ERAP1: variants seen among roughly 807,000 people sequenced by gnomAD.
The protein encoded by ERAP1 is adipocyte-derived leucine aminopeptidase.
ERAP1 carries 86 observed loss-of-function variants against 103.7 expected under a neutral mutation model. The observed-to-expected ratio is 0.83, with a 90% CI of 0.70 to 0.99. The LOEUF (loss-of-function observed/expected upper bound fraction) is 0.99. Ranked by LOEUF, ERAP1 falls within the 50% of genes least tolerant of loss-of-function variation. The pLI, the probability that ERAP1 is intolerant of heterozygous loss-of-function variation, is 0.00. For missense variants in ERAP1, 1,009 were observed against 1,128.4 expected (o/e 0.89, Z 1.52); for synonymous variants, 398 against 402.4 (o/e 0.99, Z 0.13).
chr5:96,886,717 G>T, the ERAP1 span: 2 of 1,554,104 alleles, frequency 1.3e-6, no homozygotes, highest in Admixed American at 1.7e-5. Flanking sequence ...CTGTAAAAAT[G>T]AGTACATACC....
the ERAP1 span, among the ~76,000 whole-genome samples, chr5:96,914,148 T>TCTCACACACACACACACACACACA: frequency 2.8e-4 from 42 of 148,080 alleles, 1 homozygote; most frequent in East Asian, 4.6e-3. Flanking sequence ...TCTCTCTCTC[T>TCTCACACACACACACACACACACA]CACACACACA....
chr5:96,896,457 AC>A, the ERAP1 span: 2 of 1,613,688 alleles, frequency 1.2e-6, no homozygotes, highest in Non-Finnish European at 1.7e-6. Flanking sequence ...ACCAGCGGAA[AC>A]CCCGACTCAA....
chr5:96,821,344 C>T, the ERAP1 span, among the ~76,000 whole-genome samples: 4 of 152,160 alleles, frequency 2.6e-5, no homozygotes, highest in Non-Finnish European at 4.4e-5. Flanking sequence ...TAAAATTAAC[C>T]ATCTCAATGT....
the ERAP1 span, among the ~76,000 whole-genome samples, chr5:96,815,393 T>C: frequency 6.8e-6 from 1 of 148,118 alleles, no homozygotes; most frequent in East Asian, 2.0e-4. Context: ...GTTGTTGTTG[T>C]TGTTGTTTGT....
At chr5:96,862,336 A>C in the ERAP1 span, among the ~76,000 whole-genome samples, 1 of 152,200 alleles carries the variant, frequency 6.6e-6, no homozygotes, top group African/African-American at 2.4e-5. Context: ...TTAGTGGACA[A>C]GACATTGCTA....
chr5:96,884,075 T>TA, the ERAP1 span: 1 of 601,350 alleles, frequency 1.7e-6, no homozygotes, highest in Non-Finnish European at 2.7e-6. Flanking sequence ...TCTATCTATC[T>TA]ATCTATCATC....
At chr5:96,890,304 G>A in the ERAP1 span, among the ~76,000 whole-genome samples, 1 of 152,062 alleles carries the variant, frequency 6.6e-6, no homozygotes, top group Non-Finnish European at 1.5e-5. Context: ...TTCTCATAAG[G>A]AACACGCAAC....
the ERAP1 span, among the ~76,000 whole-genome samples, chr5:96,829,885 T>C: frequency 6.6e-6 from 1 of 152,220 alleles, no homozygotes; most frequent in Non-Finnish European, 1.5e-5. Flanking sequence ...TTAGTCTTCC[T>C]AGTAAGGTTG....
the ERAP1 span, among the ~76,000 whole-genome samples, chr5:96,887,196 A>G: frequency 1.3e-5 from 2 of 151,354 alleles, no homozygotes; most frequent in African/African-American, 4.8e-5. Context: ...ATATGCCATA[A>G]AAGTTGAATG....
chr5:96,841,805 C>A, the ERAP1 span, among the ~76,000 whole-genome samples: 2 of 44,902 alleles, frequency 4.5e-5, no homozygotes, highest in Admixed American at 2.5e-4. Flanking sequence ...TTTTTCATTT[C>A]AGTAGTTTTG....
the ERAP1 span, among the ~76,000 whole-genome samples, chr5:96,901,083 G>A: frequency 6.6e-6 from 1 of 152,150 alleles, no homozygotes; most frequent in East Asian, 1.9e-4. Flanking sequence ...ATATTAAATT[G>A]TTCTGTTGAA....
chr5:96,877,241 C>G, the ERAP1 span, among the ~76,000 whole-genome samples: 4,710 of 152,296 alleles, frequency 0.031, 259 homozygotes, highest in African/African-American at 0.11. Flanking sequence ...TCCCAAAATG[C>G]TGGCATTACA....
chr5:96,858,861 G>A, the ERAP1 span, among the ~76,000 whole-genome samples: 2 of 152,134 alleles, frequency 1.3e-5, no homozygotes, highest in Non-Finnish European at 2.9e-5. Flanking sequence ...GAACAGTGTG[G>A]AACATCAGCA....
the ERAP1 span, among the ~76,000 whole-genome samples, chr5:96,840,687 C>T: frequency 8.0e-5 from 12 of 150,222 alleles, no homozygotes; most frequent in Non-Finnish European, 1.3e-4. Context: ...GGGACTCAGG[C>T]ATTGGACTTT....
chr5:96,926,437 C>T, the ERAP1 span, among the ~76,000 whole-genome samples: 1 of 152,084 alleles, frequency 6.6e-6, no homozygotes, highest in Admixed American at 6.6e-5. Flanking sequence ...AACAAAAAAC[C>T]CTATACTTAT....
the ERAP1 span, chr5:96,915,634 A>T: frequency 1.8e-5 from 19 of 1,052,876 alleles, no homozygotes; most frequent in Non-Finnish European, 1.4e-6. Context: ...ATGATATAAT[A>T]AACATAAGGT....
the ERAP1 span, chr5:96,917,381 G>A: frequency 1.9e-5 from 27 of 1,403,586 alleles, no homozygotes; most frequent in Admixed American, 6.2e-5. Context: ...TTGGCCTCCC[G>A]AAGTGCTGGG....
chr5:96,858,987 G>A, the ERAP1 span, among the ~76,000 whole-genome samples: 3 of 151,464 alleles, frequency 2.0e-5, no homozygotes, highest in African/African-American at 7.3e-5. Context: ...CTCCTTCAAA[G>A]CATGATATTG....
chr5:96,876,753 T>C, the ERAP1 span, among the ~76,000 whole-genome samples: 5 of 152,162 alleles, frequency 3.3e-5, no homozygotes, highest in African/African-American at 1.2e-4. Context: ...GAGATCTTTT[T>C]GTCTTTTCTA....
Sources: allele counts gnomAD v4.1 joint callset (sites outside exome capture counted in the v4.1 genomes callset), GRCh38; gene constraint gnomAD v4.1.1; transcripts MANE v1.5; gene names NCBI Gene and HGNC (gene_info 2026-07-23, HGNC 2026-07-21).